The following VSIG2 variants were observed in gnomAD, a reference collection of about 807,000 sequenced individuals.
VSIG2 encodes V-set and immunoglobulin domain-containing protein 2.
Under a neutral mutation model 29.4 loss-of-function variants are expected in VSIG2, and 30 were observed. The observed-to-expected ratio is 1.02, with a 90% CI of 0.76 to 1.38. The LOEUF is 1.38. Ranked by LOEUF, VSIG2 falls within the 40% of genes most tolerant of loss-of-function variation. The pLI, the probability that VSIG2 is intolerant of heterozygous loss-of-function variation, is 0.00. For missense variants in VSIG2, 421 were observed against 400.8 expected (o/e 1.05, Z -0.43); for synonymous variants, 178 against 174.2 (o/e 1.02, Z -0.17).
chr11:124,748,899 G>T, intron 4 of VSIG2, 136 bp from the exon 5 acceptor site: 1 of 1,269,240 alleles, frequency 7.9e-7, no homozygotes, highest in Non-Finnish European at 1.1e-6. Context: ...GAGGAAACCG[G>T]TTCAGAAGAA....
chr11:124,749,114 A>C (rs1385523947), intron 4 of VSIG2, among the ~76,000 whole-genome samples: 1 of 152,166 alleles, frequency 6.6e-6, no homozygotes, highest in Non-Finnish European at 1.5e-5. Context: ...TGATTGCTAG[A>C]AACTGCATCC....
intron 3 of VSIG2, 99 bp from the exon 4 acceptor site, chr11:124,749,965 A>G (rs1439495802): frequency 1.1e-5 from 15 of 1,317,434 alleles, no homozygotes; most frequent in Non-Finnish European, 1.5e-5. Context: ...CTACTTCAAT[A>G]CCCCTATCAA....
chr11:124,752,059 C>A lies in VSIG2; in HGVS notation c.61+18G>T. 1 of 1,595,684 alleles carries A rather than the reference C, an allele frequency of 6.3e-7. No homozygotes were observed. The highest frequency in any genetic ancestry group is 2.3e-5 in the East Asian group (1 of 44,378). ...TGCCCCCCAGCCCTCGCCGTGGTCC[C>A]GCCCGGCCCCTCCTCACCACTCAGG... On this transcript the variant is annotated intron_variant, in intron 1 of 6. Coordinates refer to ENST00000326621, the MANE Select transcript of VSIG2 (RefSeq NM_014312.5).
At position 124,749,885 on chromosome 11, in the gene VSIG2, A is replaced by AAAAACAAAAAC; in HGVS notation, c.428-20_428-19insGTTTTTGTTTT. ...GGGGGAACTGCAAAAAAAAAAAAAAAAAAAAAAAAACAGAAAGTTCCTCAG... is the reference window on the plus strand; with the variant it reads ...GGGGGAACTGCAAAAAAAAAAAAAAAAAAACAAAAACAAAAAAAAAACAGAAAGTTCCTCAG... On this transcript the variant is annotated intron_variant, in intron 3 of 6. Transcript: ENST00000326621. The AAAAACAAAAAC allele has an allele frequency of 2.8e-6, 4 of 1,417,532 alleles. No individual in the cohort carries two copies. Among genetic ancestry groups the AAAAACAAAAAC allele is most frequent in the Non-Finnish European group, 9.3e-7 (1 of 1,078,336 alleles). The allele number at this position is 1,417,532 out of a possible 1,614,324, so 87.8% of individuals were successfully genotyped here.
At position 124,751,545 on chromosome 11, in the gene VSIG2, G is replaced by C; in HGVS notation, c.97C>G (p.Leu33Val). 6.2e-7 allele frequency: 1 copy of C among 1,609,886 alleles called. No individual in the cohort carries two copies. Among genetic ancestry groups the C allele is most frequent in the Admixed American group, 1.7e-5 (1 of 59,942 alleles). ...GCTGTCTTCCCCAGGGGCGTGCTCA[G>C]CGGCTCTGTGGGTACCTTCACCTCC... ...AVEVKVPTEP[L>V]STPLGKTAEL... Residue 33 changes from leucine (L) to valine (V), a missense_variant, in exon 2 of 7, where the codon CTG (leucine) becomes GTG (valine). By Grantham distance (32) the Leu-to-Val change is conservative. Transcript: ENST00000326621.
At position 124,750,831 on chromosome 11, in the gene VSIG2, C is replaced by G. The variant is rs1565439934; in HGVS notation, c.310G>C (p.Ala104Pro). 2.5e-6 allele frequency: 4 copies of G among 1,614,010 alleles called. No individual in the cohort carries two copies. Among genetic ancestry groups the G allele is most frequent in the Non-Finnish European group, 1.7e-6 (2 of 1,179,962 alleles). The change falls in exon 3 of 7, where the codon GCC becomes CCC. Residue 104 changes from alanine to proline, a missense_variant. Ala to Pro is a conservative substitution (Grantham distance 27). Coordinates refer to ENST00000326621, the MANE Select transcript of VSIG2 (RefSeq NM_014312.5). Reference protein sequence around the residue: ...LLQNPPTVGVATLKLTDVHPS... With the variant: ...LLQNPPTVGVPTLKLTDVHPS... The stretch of plus-strand genomic sequence containing the variant: ...TGGACGTCAGTCAGTTTCAGTGTGG[C>G]CACCCCCACTGTGGGGGGGTTCTGA...
At position 124,749,860 on chromosome 11, in the gene VSIG2, G is replaced by C; in HGVS notation, c.434C>G (p.Pro145Arg). Residue 145 changes from proline to arginine, a missense_variant, in exon 4 of 7, where the codon CCC (proline) becomes CGC (arginine). Transcript: ENST00000326621. ...ACTCTGACTGCATAAGGGATTACTG[G>C]GGGGAACTGCAAAAAAAAAAAAAAA... Reference protein sequence around the residue: ...GLINLTVLVPPSNPLCSQSGQ... With the variant: ...GLINLTVLVPRSNPLCSQSGQ... The C allele has an allele frequency of 8.2e-7, 1 of 1,218,870 alleles. No homozygotes were observed. Among genetic ancestry groups the C allele is most frequent in the Non-Finnish European group, 1.1e-6 (1 of 927,906 alleles). 75.5% of individuals were successfully genotyped at this position (1,218,870 alleles called of 1,614,324 possible). A position where few individuals can be genotyped will look rare whatever the true frequency, so the allele number is the denominator to read the frequency against.
chr11:124,750,016 G>C, intron 3 of VSIG2, 150 bp from the exon 4 acceptor site: 1 of 904,504 alleles, frequency 1.1e-6, no homozygotes, highest in South Asian at 2.6e-5. Context: ...GCATCCCCAG[G>C]AACTGAGGGA....
rs1944043619 is a variant in VSIG2, at chr11:124,748,548, G to C, written c.707-14C>G. 1 of 1,612,614 alleles carries C rather than the reference G, an allele frequency of 6.2e-7. No individual in the cohort carries two copies. The highest frequency in any genetic ancestry group is 1.3e-5 in the African/African-American group (1 of 74,988). ...CTTGGGAGGGTTCTAAGGAGATACA[G>C]GACCCTCACTCAGAATTGCAGGCTT... is the stretch of plus-strand genomic sequence containing the variant. On this transcript the variant is annotated splice_polypyrimidine_tract_variant and intron_variant, in intron 5 of 6. Transcript: ENST00000326621.
chr11:124,749,755 A>G lies in VSIG2; in HGVS notation c.539T>C (p.Val180Ala), dbSNP rs1944057712. ...EGAPKPVYNW[V>A]RLGTFPTPSP... is the part of the protein sequence containing the mutation. Reference sequence around the variant, plus strand: ...AGGTGTAGGAAAAGTTCCAAGACGCACCCAGTTGTACACTGGCTTAGGAGC... The same window carrying G: ...AGGTGTAGGAAAAGTTCCAAGACGCGCCCAGTTGTACACTGGCTTAGGAGC... Residue 180 changes from valine to alanine, a missense_variant, in exon 4 of 7, where the codon GTG becomes GCG. By Grantham distance (64) the Val-to-Ala change is moderately conservative. Coordinates refer to ENST00000326621, the MANE Select transcript of VSIG2 (RefSeq NM_014312.5). 1.2e-6 allele frequency: 2 copies of G among 1,612,206 alleles called. No homozygotes were observed. The highest frequency in any genetic ancestry group is 1.7e-6 in the Non-Finnish European group (2 of 1,179,696).
chr11:124,750,843 T>TGGG lies in VSIG2; in HGVS notation c.295_297dup (p.Pro99dup), dbSNP rs766405238. The TGGG allele has an allele frequency of 8.7e-6, 14 of 1,613,954 alleles. No homozygotes were observed. Among genetic ancestry groups the TGGG allele is most frequent in the Non-Finnish European group, 1.2e-5 (14 of 1,179,936 alleles). On this transcript the variant is annotated inframe_insertion, in exon 3 of 7. Transcript: ENST00000326621. ...AGTTTCAGTGTGGCCACCCCCACTG[T>TGGG]GGGGGGGTTCTGAAGCAGGCTGACC...
At position 124,747,589 on chromosome 11, in the gene VSIG2, G is replaced by A. The variant is rs1212900598; in HGVS notation, c.930C>T (p.Pro310=). The A allele has an allele frequency of 6.2e-7, 1 of 1,613,716 alleles. No homozygotes were observed. The highest frequency in any genetic ancestry group is 1.3e-5 in the African/African-American group (1 of 74,884). Reference sequence around the variant, plus strand: ...TGGTCGTCACGGTGCTGGCAGACGAGGGTCTTTCCAGGAACCCCTTGCTAG... The same window carrying A: ...TGGTCGTCACGGTGCTGGCAGACGAAGGTCTTTCCAGGAACCCCTTGCTAG... ...ADSSKGFLER[P]SSASTVTTTK... is the part of the protein sequence containing the mutation. The change falls in exon 7 of 7, where the codon CCC becomes CCT. Residue 310 remains proline (P), a synonymous_variant. Transcript: ENST00000326621.
Position 124,750,844 on chromosome 11 carries a change from G to A in VSIG2, c.297C>T (p.Pro99=). The change falls in exon 3 of 7, where the codon CCC becomes CCT. Residue 99 remains proline, a synonymous_variant. Transcript: ENST00000326621. ...SKRVSLLQNP[P]TVGVATLKLT... The stretch of plus-strand genomic sequence containing the variant: ...GTTTCAGTGTGGCCACCCCCACTGT[G>A]GGGGGGTTCTGAAGCAGGCTGACCC... The A allele has an allele frequency of 6.2e-7, 1 of 1,613,954 alleles. No individual in the cohort carries two copies. Among genetic ancestry groups the A allele is most frequent in the Non-Finnish European group, 8.5e-7 (1 of 1,179,898 alleles).
rs767593469 is a variant in VSIG2 at position 124,748,530 on chromosome 11, G to A, written c.711C>T (p.Pro237=). ...SCELTLSVTE[P]SQGRVAGALI... ...GAGCTCCGGCCACTCGGCCTTGGGA[G>A]GGTTCTAAGGAGATACAGGACCCTC... is the stretch of plus-strand genomic sequence containing the variant. Residue 237 remains proline, a synonymous_variant, in exon 6 of 7, where the codon CCC becomes CCT. Coordinates refer to ENST00000326621, the MANE Select transcript of VSIG2 (RefSeq NM_014312.5). 1 of 1,613,222 alleles carries A rather than the reference G, an allele frequency of 6.2e-7. No individual in the cohort carries two copies. The highest frequency in any genetic ancestry group is 1.1e-5 in the South Asian group (1 of 90,950).
At chr11:124,748,584 A>G (rs768417069) in intron 5 of VSIG2, 50 bp from the exon 6 acceptor site, 2 of 1,606,758 alleles carry the variant, frequency 1.2e-6, no homozygotes, top group African/African-American at 2.7e-5. Context: ...TCCTCGGCCC[A>G]CCAGCCGACA....
In VSIG2 at chr11:124,751,500, T is replaced by G; in HGVS notation, c.142A>C (p.Ser48Arg). The G allele has an allele frequency of 6.2e-7, 1 of 1,613,126 alleles. No individual in the cohort carries two copies. Among genetic ancestry groups the G allele is most frequent in the Non-Finnish European group, 8.5e-7 (1 of 1,179,992 alleles). Residue 48 changes from serine to arginine, a missense_variant, in exon 2 of 7, where the codon AGC becomes CGC. By Grantham distance (110) the Ser-to-Arg change is moderately radical. Coordinates refer to ENST00000326621, the MANE Select transcript of VSIG2 (RefSeq NM_014312.5). ...GKTAELTCTY[S>R]TSVGDSFALE... Reference sequence around the variant, plus strand: ...GCGAAGCTGTCTCCCACCGACGTGCTGTAGGTGCAGGTCAGCTCGGCTGTC... The same window carrying G: ...GCGAAGCTGTCTCCCACCGACGTGCGGTAGGTGCAGGTCAGCTCGGCTGTC...
chr11:124,749,416 A>C (rs1424854283), intron 4 of VSIG2, among the ~76,000 whole-genome samples: 1 of 151,896 alleles, frequency 6.6e-6, no homozygotes, highest in East Asian at 1.9e-4. Flanking sequence ...CCTAAAAGAA[A>C]TCTCCCCAAG....
intron 4 of VSIG2, among the ~76,000 whole-genome samples, chr11:124,749,308 C>T (rs1454924666): frequency 6.6e-6 from 1 of 152,126 alleles, no homozygotes; most frequent in Non-Finnish European, 1.5e-5. Flanking sequence ...ACTAAGGCTC[C>T]TCCAAAGAAA....
rs113439662 is a variant in VSIG2, at chr11:124,752,127, A to G, written c.11T>C (p.Leu4Pro). MAE[L>P]PGPFLCGALL... The stretch of plus-strand genomic sequence containing the variant: ...GGCCCCGCAGAGAAAGGGCCCCGGG[A>G]GCTCGGCCATGGCCGCGTCCGGCCG... The change falls in exon 1 of 7, where the codon CTC becomes CCC. Residue 4 changes from leucine (L) to proline (P), a missense_variant. Leu to Pro is a moderately conservative substitution (Grantham distance 98, BLOSUM62 -3). Coordinates refer to ENST00000326621, the MANE Select transcript of VSIG2 (RefSeq NM_014312.5). 5.6e-6 allele frequency: 9 copies of G among 1,602,466 alleles called. No homozygotes were observed. In the African/African-American group the frequency reaches 1.1e-4, roughly 19 times the overall value.
Sources: gnomAD v4.1 joint callset for allele counts (sites outside exome capture counted in the v4.1 genomes callset) on GRCh38, gnomAD v4.1.1 for gene constraint, MANE v1.5 for transcripts, NCBI Gene and HGNC (gene_info 2026-07-23, HGNC 2026-07-21) for gene names.